The following KDM1B variants were observed in gnomAD, a reference collection of about 807,000 sequenced individuals.
KDM1B encodes the protein lysine-specific histone demethylase 2.
A neutral mutation model predicts 107.4 loss-of-function variants in KDM1B; 63 were observed. The observed-to-expected ratio is 0.59, with a 90% CI of 0.48 to 0.72. KDM1B has a LOEUF of 0.72. Among genes scored for constraint, KDM1B ranks in the 30% least tolerant of loss-of-function variants. The pLI is 0.00. For missense variants in KDM1B, 749 were observed against 1,020.8 expected (o/e 0.73, Z 3.63); for synonymous variants, 363 against 363.9 (o/e 1.00, Z 0.03).
Position 18,205,451 on chromosome 6 carries a change from G to A in KDM1B, c.1532-86G>A. 1.5e-6 allele frequency: 2 copies of A among 1,349,666 alleles called. No homozygotes were observed. The highest frequency in any genetic ancestry group is 1.0e-6 in the Non-Finnish European group (1 of 997,032). 83.6% of individuals were successfully genotyped at this position (1,349,666 alleles called of 1,614,324 possible). ...ACTTTGGAAGTTTTGGGTGTTGCTG[G>A]GTGACAGAGGTTGAAAGCAAAGGAG... On this transcript the variant is annotated intron_variant, in intron 14 of 21. Coordinates refer to ENST00000650836, the MANE Select transcript of KDM1B (RefSeq NM_001364614.2). This position sits in a 1 kb window ranked among gnomAD's most constrained non-coding sequence, Gnocchi z 5.7.
Position 18,197,133 on chromosome 6 carries a change from T to C in KDM1B, c.1046T>C (p.Val349Ala). ...GTGCGTATTCGATGCGTTCAGGAAG[T>C]GGAGAGAATACTGTATTTTATGACC... ...GLVRIRCVQE[V>A]ERILYFMTRK... is the part of the protein sequence containing the mutation. The change falls in exon 11 of 22, where the codon GTG (valine) becomes GCG (alanine). Residue 349 changes from valine (V) to alanine (A), a missense_variant. By Grantham distance (64) the Val-to-Ala change is moderately conservative. Transcript: ENST00000650836. The surrounding 1 kb of genome is among the most constrained non-coding windows in gnomAD (Gnocchi z 4.5). 6.2e-7 allele frequency: 1 copy of C among 1,614,162 alleles called. No individual in the cohort carries two copies. Among genetic ancestry groups the C allele is most frequent in the Non-Finnish European group, 8.5e-7 (1 of 1,180,004 alleles).
chr6:18,171,873 G>A (rs962068869), intron 7 of KDM1B, among the ~76,000 whole-genome samples: 2 of 152,202 alleles, frequency 1.3e-5, no homozygotes, highest in Non-Finnish European at 2.9e-5. Context: ...TATCAGCTGA[G>A]CCTGTCCCTC....
In KDM1B at chr6:18,211,022, A is replaced by C. The variant is rs2151018213; in HGVS notation, c.1867-1466A>C. Among the ~76,000 whole-genome samples the C allele has an allele frequency of 6.6e-6, 1 of 151,890 alleles. No individual in the cohort carries two copies. The highest frequency in any genetic ancestry group is 2.4e-5 in the African/African-American group (1 of 41,402). On this transcript the variant is annotated intron_variant, in intron 17 of 21. Coordinates refer to ENST00000650836, the MANE Select transcript of KDM1B (RefSeq NM_001364614.2). This position sits in a 1 kb window ranked among gnomAD's most constrained non-coding sequence, Gnocchi z 5.2. ...CTCTTTAAAGGGGAAAAAAATCTAG[A>C]TTTTATTTATTTTCTTGCAATTTAA...
chr6:18,208,601 ATG>A (rs200698143), intron 17 of KDM1B, among the ~76,000 whole-genome samples: 1 of 38,300 alleles, frequency 2.6e-5, no homozygotes, highest in Middle Eastern at 0.012. Flanking sequence ...AAGTATGTGT[ATG>A]TATATATATA....
In KDM1B at chr6:18,217,767, G is replaced by A. The variant is rs199764955; in HGVS notation, c.2267G>A (p.Arg756Gln). 5.0e-6 allele frequency: 8 copies of A among 1,613,422 alleles called. No homozygotes were observed. The highest frequency in any genetic ancestry group is 2.7e-5 in the African/African-American group (2 of 74,872). ...GATCCCACAAAGTATTTTGTCACTC[G>A]GTGGAGCACAGACCCATGGATCCAG... Reference protein sequence around the residue: ...VPDPTKYFVTRWSTDPWIQMA... With the variant: ...VPDPTKYFVTQWSTDPWIQMA... The change falls in exon 21 of 22, where the codon CGG (arginine) becomes CAG (glutamine). Residue 756 changes from arginine (R) to glutamine (Q), a missense_variant. By Grantham distance (43) the Arg-to-Gln change is conservative. Transcript: ENST00000650836.
chr6:18,222,122 A>G lies in KDM1B; in HGVS notation c.*130A>G, dbSNP rs762584578. On this transcript the variant is annotated 3_prime_UTR_variant, in exon 22 of 22. Coordinates refer to ENST00000650836, the MANE Select transcript of KDM1B (RefSeq NM_001364614.2). ...AAAACTGAAATGTTTCTAAGGCGATATGATAATGCAAACCTATTTCATCAC... is the reference window on the plus strand; with the variant it reads ...AAAACTGAAATGTTTCTAAGGCGATGTGATAATGCAAACCTATTTCATCAC... 2.4e-6 allele frequency: 2 copies of G among 832,288 alleles called. No homozygotes were observed. Among genetic ancestry groups the G allele is most frequent in the South Asian group, 2.8e-5 (2 of 71,584 alleles). The allele number at this position is 832,288 out of a possible 1,614,324, so 51.6% of individuals were successfully genotyped here. A position where few individuals can be genotyped will look rare whatever the true frequency, so the allele number is the denominator to read the frequency against.
intron 7 of KDM1B, among the ~76,000 whole-genome samples, chr6:18,184,503 G>C (rs907184042): frequency 1.3e-5 from 2 of 151,628 alleles, no homozygotes; most frequent in Admixed American, 1.3e-4. Context: ...TCGAACTCCT[G>C]ACCTTAGGTG....
rs114494989 is a variant in KDM1B, at chr6:18,174,977, A to G, written c.534+3498A>G. 5.7e-3 allele frequency among the ~76,000 whole-genome samples: 874 copies of G among 152,260 alleles called. 9 individuals are homozygous for G. Among genetic ancestry groups the G allele is most frequent in the African/African-American group, 0.02 (834 of 41,530 alleles). On this transcript the variant is annotated intron_variant, in intron 7 of 21. Coordinates refer to ENST00000650836, the MANE Select transcript of KDM1B (RefSeq NM_001364614.2). ...GCATATGGAAGTATGTTTTTTGTAT[A>G]ATGACTTCTTTTCCTCTGGATACCC...
intron 21 of KDM1B, among the ~76,000 whole-genome samples, chr6:18,220,695 G>C (rs983117822): frequency 6.6e-6 from 1 of 152,084 alleles, no homozygotes; most frequent in African/African-American, 2.4e-5. Context: ...TCAGGCTACT[G>C]TGCCTTAGGG....
rs1582209712 is a variant in KDM1B at position 18,212,940 on chromosome 6, G to T, written c.1983+336G>T. Among the ~76,000 whole-genome samples the T allele has an allele frequency of 6.6e-6, 1 of 152,146 alleles. No homozygotes were observed. Among genetic ancestry groups the T allele is most frequent in the Admixed American group, 6.5e-5 (1 of 15,268 alleles). Reference sequence around the variant, plus strand: ...CTCATTGGCCCCAGTGAGGACAGAGGTTTATTTCTCCTGCCTTTAATATCT... The same window carrying T: ...CTCATTGGCCCCAGTGAGGACAGAGTTTTATTTCTCCTGCCTTTAATATCT... On this transcript the variant is annotated intron_variant, in intron 18 of 21. Coordinates refer to ENST00000650836, the MANE Select transcript of KDM1B (RefSeq NM_001364614.2). The surrounding 1 kb of genome is among the most constrained non-coding windows in gnomAD (Gnocchi z 5.2).
chr6:18,187,492 C>G (rs1465142073), intron 8 of KDM1B, among the ~76,000 whole-genome samples: 1 of 152,102 alleles, frequency 6.6e-6, no homozygotes, highest in Non-Finnish European at 1.5e-5. Context: ...AGTAAATGGG[C>G]ACAGCTTTCA....
intron 7 of KDM1B, among the ~76,000 whole-genome samples, chr6:18,180,986 T>C (rs1786432305): frequency 6.6e-6 from 1 of 152,266 alleles, no homozygotes; most frequent in African/African-American, 2.4e-5. Flanking sequence ...ACTTTACTAA[T>C]TGTTTAAATT....
chr6:18,162,019 T>G lies in KDM1B; in HGVS notation c.215+565T>G, dbSNP rs992365016. Among the ~76,000 whole-genome samples the G allele has an allele frequency of 6.6e-6, 1 of 152,144 alleles. No homozygotes were observed. The highest frequency in any genetic ancestry group is 1.5e-5 in the Non-Finnish European group (1 of 68,028). On this transcript the variant is annotated intron_variant, in intron 4 of 21. Coordinates refer to ENST00000650836, the MANE Select transcript of KDM1B (RefSeq NM_001364614.2). The surrounding 1 kb of genome is among the most constrained non-coding windows in gnomAD (Gnocchi z 4.1). The stretch of plus-strand genomic sequence containing the variant: ...ATAAAATCGAGAAAACAAATCCTAT[T>G]TGTTTTTAAACACAAAGAGGGCCAG...
In KDM1B at chr6:18,215,004, C is replaced by T. The variant is rs1176390158; in HGVS notation, c.2110-3C>T. On this transcript the variant is annotated splice_region_variant and splice_polypyrimidine_tract_variant and intron_variant, in intron 19 of 21. Transcript: ENST00000650836. ...CCTCCTGCTTTTCCTTTCATGTCTCCAGAAGAAGCACAGCGTGCTGATGTC... is the reference window on the plus strand; with the variant it reads ...CCTCCTGCTTTTCCTTTCATGTCTCTAGAAGAAGCACAGCGTGCTGATGTC... The T allele has an allele frequency of 6.2e-7, 1 of 1,613,734 alleles. No homozygotes were observed. The highest frequency in any genetic ancestry group is 8.5e-7 in the Non-Finnish European group (1 of 1,179,842).
Position 18,159,811 on chromosome 6 carries a change from T to C in KDM1B, c.-13-72T>C. The C allele has an allele frequency of 1.3e-6, 1 of 765,992 alleles. No individual in the cohort carries two copies. Among genetic ancestry groups the C allele is most frequent in the Non-Finnish European group, 2.2e-6 (1 of 446,874 alleles). The allele number at this position is 765,992 out of a possible 1,614,324, so 47.4% of individuals were successfully genotyped here. ...ATACATTCTTACCTACCAAAGTGTATAATAACTTGCTCCAGACTGTTAAAA... is the reference window on the plus strand; with the variant it reads ...ATACATTCTTACCTACCAAAGTGTACAATAACTTGCTCCAGACTGTTAAAA... On this transcript the variant is annotated intron_variant, in intron 2 of 21. Coordinates refer to ENST00000650836, the MANE Select transcript of KDM1B (RefSeq NM_001364614.2). The surrounding 1 kb of genome is among the most constrained non-coding windows in gnomAD (Gnocchi z 4.5).
chr6:18,157,123 G>GTT (rs2150740577), intron 2 of KDM1B, among the ~76,000 whole-genome samples: 2 of 152,156 alleles, frequency 1.3e-5, no homozygotes, highest in Non-Finnish European at 2.9e-5. Flanking sequence ...AAACCAATTG[G>GTT]TTATATTTAG....
At position 18,197,925 on chromosome 6, in the gene KDM1B, CTTTTTTTTTT is replaced by C. The variant is rs1039217550; in HGVS notation, c.1221+273_1221+282del. 7.7e-6 allele frequency among the ~76,000 whole-genome samples: 1 copy of C among 130,038 alleles called. No homozygotes were observed. The highest frequency in any genetic ancestry group is 2.9e-5 in the African/African-American group (1 of 34,224). The allele number at this position is 130,038 out of a possible 152,430, so 85.3% of individuals were successfully genotyped here. A position where few individuals can be genotyped will look rare whatever the true frequency, so the allele number is the denominator to read the frequency against. ...CTAACTTGGCATTAAAGTAGAAATT[CTTTTTTTTTT>C]TTTTTTTTGAGACAGAGTCTTGCTC... On this transcript the variant is annotated intron_variant, in intron 12 of 21. Transcript: ENST00000650836. This position sits in a 1 kb window ranked among gnomAD's most constrained non-coding sequence, Gnocchi z 4.5.
In KDM1B at chr6:18,204,364, G is replaced by A. The variant is rs1200458178; in HGVS notation, c.1532-1173G>A. Among the ~76,000 whole-genome samples, 4 of 152,064 alleles carry A rather than the reference G, an allele frequency of 2.6e-5. No individual in the cohort carries two copies. The highest frequency in any genetic ancestry group is 9.7e-5 in the African/African-American group (4 of 41,408). ...CTGGGCATAGAGGCGGGCGCCTGTA[G>A]TCCCAGCTACTTGGGAGGCCGATTG... On this transcript the variant is annotated intron_variant, in intron 14 of 21. Coordinates refer to ENST00000650836, the MANE Select transcript of KDM1B (RefSeq NM_001364614.2). This position sits in a 1 kb window ranked among gnomAD's most constrained non-coding sequence, Gnocchi z 4.9.
chr6:18,191,392 G>A lies in KDM1B; in HGVS notation c.969+11G>A. On this transcript the variant is annotated intron_variant, in intron 10 of 21. Transcript: ENST00000650836. This position sits in a 1 kb window ranked among gnomAD's most constrained non-coding sequence, Gnocchi z 5.1. ...TATACTAACTGCAAAGTAAGTAAGGGCATGTTAGCCAATAGCACTGGACAG... is the reference window on the plus strand; with the variant it reads ...TATACTAACTGCAAAGTAAGTAAGGACATGTTAGCCAATAGCACTGGACAG... The A allele has an allele frequency of 5.8e-6, 9 of 1,549,514 alleles. No homozygotes were observed. The highest frequency in any genetic ancestry group is 7.9e-6 in the Non-Finnish European group (9 of 1,145,982).
Sources: gnomAD v4.1 joint callset for allele counts (sites outside exome capture counted in the v4.1 genomes callset) on GRCh38, gnomAD v4.1.1 for gene constraint, Gnocchi (gnomAD v3.1) non-coding constraint, MANE v1.5 for transcripts, NCBI Gene and HGNC (gene_info 2026-07-23, HGNC 2026-07-21) for gene names.